Variants in RPH3AL observed in about 807,000 individuals in gnomAD.
The protein encoded by RPH3AL is rab effector Noc2.
A neutral mutation model predicts 43.1 loss-of-function variants in RPH3AL; 38 were observed. That is an observed-to-expected ratio of 0.88 (90% CI 0.68 to 1.15). The LOEUF (loss-of-function observed/expected upper bound fraction) is 1.15. RPH3AL is among the 50% of genes most tolerant of loss of function. RPH3AL has a pLI of 0.00. For missense variants in RPH3AL, 462 were observed against 423.2 expected (o/e 1.09, Z -0.81); for synonymous variants, 189 against 176.3 (o/e 1.07, Z -0.57).
At chr17:317,341 C>G (rs1250994359) in intron 5 of RPH3AL, among the ~76,000 whole-genome samples, 1 of 151,402 alleles carries the variant, frequency 6.6e-6, no homozygotes. Context: ...CTCCATTGAC[C>G]TGAAGTCCCT....
chr17:267,186 A>G (rs2042344749), intron 6 of RPH3AL, among the ~76,000 whole-genome samples: 1 of 152,242 alleles, frequency 6.6e-6, no homozygotes, highest in South Asian at 2.1e-4. Context: ...ATGGAGGCTA[A>G]TGACACTTTC....
At chr17:320,201 G>A (rs1387826083) in intron 4 of RPH3AL, among the ~76,000 whole-genome samples, 1 of 101,170 alleles carries the variant, frequency 9.9e-6, no homozygotes, top group Non-Finnish European at 2.0e-5. Flanking sequence ...TGAGGGGAGG[G>A]AGGGGGAGGG....
chr17:307,517 C>T (rs908059272), intron 5 of RPH3AL, among the ~76,000 whole-genome samples: 3 of 152,240 alleles, frequency 2.0e-5, no homozygotes, highest in African/African-American at 7.2e-5. Context: ...CAATAGCTGA[C>T]ACCAACTATG....
intron 5 of RPH3AL, among the ~76,000 whole-genome samples, chr17:292,215 G>T (rs2043064069): frequency 1.3e-5 from 2 of 152,162 alleles, no homozygotes; most frequent in Non-Finnish European, 2.9e-5. Context: ...GCTCAGCCCT[G>T]CTCAGCCCCT....
In RPH3AL at chr17:290,116, A is replaced by G. The variant is rs2043013620; in HGVS notation, c.352-8262T>C. Among the ~76,000 whole-genome samples the G allele has an allele frequency of 6.6e-6, 1 of 152,248 alleles. No homozygotes were observed. The highest frequency in any genetic ancestry group is 1.5e-5 in the Non-Finnish European group (1 of 68,046). On this transcript the variant is annotated intron_variant, in intron 5 of 9. Transcript: ENST00000331302. This position sits in a 1 kb window ranked among gnomAD's most constrained non-coding sequence, Gnocchi z 4.2. ...GATATTACAGTTGAAAAAGCAAGAC[A>G]GGCTCCCTCCCGGAACATGCCGACC...
chr17:316,554 CAT>C (rs2044209545), intron 5 of RPH3AL, among the ~76,000 whole-genome samples: 1 of 145,898 alleles, frequency 6.9e-6, no homozygotes, highest in Non-Finnish European at 1.5e-5. Flanking sequence ...CCTCCACTGA[CAT>C]GTAGTCCCTG....
At chr17:310,970 C>A (rs2151654597) in intron 5 of RPH3AL, among the ~76,000 whole-genome samples, 1 of 152,274 alleles carries the variant, frequency 6.6e-6, no homozygotes, top group South Asian at 2.1e-4. Flanking sequence ...CCCAGGCCCT[C>A]CACACCTGCC....
At chr17:293,970 G>A (rs905672817) in intron 5 of RPH3AL, among the ~76,000 whole-genome samples, 3 of 152,010 alleles carry the variant, frequency 2.0e-5, no homozygotes, top group East Asian at 1.9e-4. Flanking sequence ...GGAAGTTGCA[G>A]TGAGCTGAGA....
At chr17:271,771 G>T (rs2042469009) in intron 6 of RPH3AL, among the ~76,000 whole-genome samples, 1 of 152,180 alleles carries the variant, frequency 6.6e-6, no homozygotes, top group African/African-American at 2.4e-5. Context: ...TCTTTCTCCT[G>T]CCTGATTGCC....
intron 9 of RPH3AL, 70 bp from the exon 10 acceptor site, chr17:213,993 G>T (rs897976747): frequency 1.6e-6 from 2 of 1,221,018 alleles, no homozygotes; most frequent in Non-Finnish European, 2.3e-6. Context: ...GTGACAGCTC[G>T]GCCTTTGGGA....
At chr17:296,126 G>C (rs1465189495) in intron 5 of RPH3AL, among the ~76,000 whole-genome samples, 2 of 139,418 alleles carry the variant, frequency 1.4e-5, no homozygotes, top group African/African-American at 2.7e-5. Context: ...TGGATGGACA[G>C]AGGGAATGCA....
chr17:300,004 G>T (rs2043282868), intron 5 of RPH3AL, among the ~76,000 whole-genome samples: 1 of 91,588 alleles, frequency 1.1e-5, no homozygotes, highest in Admixed American at 1.1e-4. Flanking sequence ...GGCTGGCCCA[G>T]CCTAGGCCTG....
At chr17:326,375 G>A (rs1272606577) in intron 3 of RPH3AL, among the ~76,000 whole-genome samples, 1 of 152,202 alleles carries the variant, frequency 6.6e-6, no homozygotes, top group Non-Finnish European at 1.5e-5. Flanking sequence ...TCCCACTTGG[G>A]AAATGCTTGC....
intron 6 of RPH3AL, among the ~76,000 whole-genome samples, chr17:248,248 T>C (rs1490765728): frequency 6.6e-6 from 1 of 152,174 alleles, no homozygotes; most frequent in Non-Finnish European, 1.5e-5. Flanking sequence ...GCCATGTTTG[T>C]CACTGCCCCT....
rs780679348 is a variant in RPH3AL at position 312,475 on chromosome 17, C to T, written c.351+6945G>A. On this transcript the variant is annotated intron_variant, in intron 5 of 9. Coordinates refer to ENST00000331302, the MANE Select transcript of RPH3AL (RefSeq NM_006987.4). ...CTCCAAACTGAAAAATAAATATCTA[C>T]GGCTGAAGGTGCCCAGTCTGTGGCA... Among the ~76,000 whole-genome samples, 11 of 152,176 alleles carry T rather than the reference C, an allele frequency of 7.2e-5. 1 individual carries two copies. The highest frequency in any genetic ancestry group is 4.1e-4 in the South Asian group (2 of 4,828).
intron 5 of RPH3AL, among the ~76,000 whole-genome samples, chr17:298,032 T>G (rs111898381): frequency 0.011 from 1,723 of 152,248 alleles, 41 homozygotes; most frequent in African/African-American, 0.038. Context: ...CACACTTTGC[T>G]GTCCTCTCCC....
intron 7 of RPH3AL, among the ~76,000 whole-genome samples, chr17:233,274 T>C (rs2041273942): frequency 6.6e-6 from 1 of 152,096 alleles, no homozygotes; most frequent in South Asian, 2.1e-4. Context: ...GTAAGTTTCA[T>C]TCCCTTGGAT....
At chr17:304,967 G>GA (rs1433627028) in intron 5 of RPH3AL, among the ~76,000 whole-genome samples, 1 of 30,948 alleles carries the variant, frequency 3.2e-5, no homozygotes, top group East Asian at 1.4e-3. Context: ...CAGGGCGAGA[G>GA]GGGGACAGGG....
chr17:276,977 T>C (rs541040179), intron 6 of RPH3AL, among the ~76,000 whole-genome samples: 23 of 152,290 alleles, frequency 1.5e-4, no homozygotes, highest in African/African-American at 5.5e-4. Context: ...CCATGCACCC[T>C]TATTTTTTTA....
Sources: allele counts gnomAD v4.1 joint callset (sites outside exome capture counted in the v4.1 genomes callset), GRCh38; gene constraint gnomAD v4.1.1; non-coding constraint Gnocchi (gnomAD v3.1); transcripts MANE v1.5; gene names NCBI Gene and HGNC (gene_info 2026-07-23, HGNC 2026-07-21).